Variants in CCR3 observed in about 807,000 individuals in gnomAD.
The protein encoded by CCR3 is C-C chemokine receptor type 3.
For missense variants in CCR3, 419 were observed against 437.5 expected (o/e 0.96, Z 0.38); for synonymous variants, 203 against 179.2 (o/e 1.13, Z -1.06).
At chr3:46,220,440 T>C (rs1699823508) in intron 2 of CCR3, among the ~76,000 whole-genome samples, 1 of 152,190 alleles carries the variant, frequency 6.6e-6, no homozygotes, top group African/African-American at 2.4e-5. Context: ...GAAAACAGTA[T>C]GGAGATTCCT....
At chr3:46,250,246 C>A (rs908432690) in intron 1 of CCR3, among the ~76,000 whole-genome samples, 1 of 151,974 alleles carries the variant, frequency 6.6e-6, no homozygotes, top group Admixed American at 6.5e-5. Context: ...AAACTGTAAG[C>A]CGGACCAGGT....
intron 1 of CCR3, among the ~76,000 whole-genome samples, chr3:46,258,028 T>C (rs1226645229): frequency 6.6e-6 from 1 of 152,228 alleles, no homozygotes; most frequent in Non-Finnish European, 1.5e-5. Context: ...GTAATTGTTC[T>C]CTTCAGGCCC....
At chr3:46,264,540 T>G in intron 1 of CCR3, 1 of 814,028 alleles carries the variant, frequency 1.2e-6, no homozygotes, top group East Asian at 2.9e-5. Flanking sequence ...GGATAGAGAC[T>G]AAAGATCTAG....
At chr3:46,238,251 A>AC (rs1700042510), upstream of CCR3, among the ~76,000 whole-genome samples, 1 of 63,178 alleles carries the variant, frequency 1.6e-5, no homozygotes, top group Non-Finnish European at 2.8e-5. Context: ...GATATTGTCA[A>AC]TTTAAAAAAA....
chr3:46,258,780 A>G (rs750720093), intron 1 of CCR3, among the ~76,000 whole-genome samples: 4 of 152,204 alleles, frequency 2.6e-5, no homozygotes, highest in Admixed American at 1.3e-4. Flanking sequence ...ACTACATTGC[A>G]TAAGGGATAT....
At position 46,265,154 on chromosome 3, in the gene CCR3, G is replaced by T; in HGVS notation, c.-5G>T. ...TTTTCTTCTTCTATCACAGGGAGAA[G>T]TGAAATGACAACCTCACTAGATACA... On this transcript the variant is annotated 5_prime_UTR_variant, in exon 2 of 2. Coordinates refer to ENST00000395940, the MANE Select transcript of CCR3 (RefSeq NM_178329.3). 1 of 1,591,886 alleles carries T rather than the reference G, an allele frequency of 6.3e-7. No homozygotes were observed. The highest frequency in any genetic ancestry group is 8.6e-7 in the Non-Finnish European group (1 of 1,164,336).
chr3:46,257,721 T>A (rs1031083221), intron 1 of CCR3, among the ~76,000 whole-genome samples: 3 of 152,166 alleles, frequency 2.0e-5, no homozygotes, highest in Non-Finnish European at 2.9e-5. Flanking sequence ...TATGTAGATA[T>A]ATGAGATGGG....
chr3:46,216,418 T>C (rs1398642701), intron 2 of CCR3, among the ~76,000 whole-genome samples: 2 of 152,134 alleles, frequency 1.3e-5, no homozygotes, highest in Admixed American at 1.3e-4. Flanking sequence ...TGAAAACGTA[T>C]CTGAGGGAAT....
chr3:46,220,989 A>G, intron 2 of CCR3, among the ~76,000 whole-genome samples: 1 of 152,354 alleles, frequency 6.6e-6, no homozygotes, highest in South Asian at 2.1e-4. Context: ...CGTGTTCCCC[A>G]AAAACTATTG....
At chr3:46,258,968 A>G (rs1039576724) in intron 1 of CCR3, among the ~76,000 whole-genome samples, 4 of 152,228 alleles carry the variant, frequency 2.6e-5, no homozygotes, top group African/African-American at 9.6e-5. Context: ...TCCTGATTCA[A>G]TGACATAGAA....
chr3:46,228,296 AT>A (rs1036708845), intron 2 of CCR3, among the ~76,000 whole-genome samples: 8 of 151,966 alleles, frequency 5.3e-5, no homozygotes, highest in Non-Finnish European at 8.8e-5. Flanking sequence ...ACAAAGAGAA[AT>A]TTTTTTCTCT....
chr3:46,215,224 C>T (rs542555233), intron 2 of CCR3, among the ~76,000 whole-genome samples: 4 of 152,294 alleles, frequency 2.6e-5, no homozygotes, highest in Admixed American at 2.6e-4. Context: ...ATCCATCACA[C>T]AGCTATTAAG....
Position 46,265,285 on chromosome 3 carries a change from C to G in CCR3, c.127C>G (p.Leu43Val), listed in dbSNP as rs995270819. Residue 43 changes from leucine (L) to valine (V), a missense_variant, in exon 2 of 2, where the codon CTG becomes GTG. Leu to Val is a conservative substitution (Grantham distance 32). Coordinates refer to ENST00000395940, the MANE Select transcript of CCR3 (RefSeq NM_178329.3). ...CCAGTTTGTGCCCCCGCTGTACTCCCTGGTGTTCACTGTGGGCCTCTTGGG... is the reference window on the plus strand; with the variant it reads ...CCAGTTTGTGCCCCCGCTGTACTCCGTGGTGTTCACTGTGGGCCTCTTGGG... ...MAQFVPPLYS[L>V]VFTVGLLGNV... The G allele has an allele frequency of 1.2e-6, 2 of 1,613,970 alleles. No individual in the cohort carries two copies. Among genetic ancestry groups the G allele is most frequent in the African/African-American group, 2.7e-5 (2 of 74,906 alleles).
intron 2 of CCR3, among the ~76,000 whole-genome samples, chr3:46,214,552 C>G (rs1178747771): frequency 1.3e-5 from 2 of 152,170 alleles, no homozygotes; most frequent in African/African-American, 4.8e-5. Context: ...ACCACCTCTG[C>G]TCAGGGATGT....
intron 1 of CCR3, chr3:46,264,644 T>C: frequency 7.4e-6 from 4 of 539,706 alleles, no homozygotes; most frequent in Non-Finnish European, 1.3e-5. Context: ...GAATGGCTCA[T>C]CATTATGGGG....
At chr3:46,239,826 G>A (rs1489041340), upstream of CCR3, among the ~76,000 whole-genome samples, 2 of 152,124 alleles carry the variant, frequency 1.3e-5, no homozygotes, top group Non-Finnish European at 2.9e-5. Context: ...TAAGTTAAAA[G>A]GTCATTGTGG....
At chr3:46,229,614 G>A (rs1433393914) in intron 2 of CCR3, among the ~76,000 whole-genome samples, 2 of 152,108 alleles carry the variant, frequency 1.3e-5, no homozygotes, top group Admixed American at 6.6e-5. Flanking sequence ...GTTGGGGGAG[G>A]TGACAGAAAT....
At chr3:46,241,041 T>C (rs1265728084), upstream of CCR3, among the ~76,000 whole-genome samples, 4 of 152,218 alleles carry the variant, frequency 2.6e-5, no homozygotes, top group Non-Finnish European at 5.9e-5. Context: ...GTCTCTGTTG[T>C]CTCTGATCAC....
At chr3:46,216,518 G>C (rs1187698627) in intron 2 of CCR3, among the ~76,000 whole-genome samples, 1 of 152,168 alleles carries the variant, frequency 6.6e-6, no homozygotes. Context: ...ATCACAAAAA[G>C]ATCATCATCT....
Sources: gnomAD v4.1 joint callset for allele counts (sites outside exome capture counted in the v4.1 genomes callset) on GRCh38, gnomAD v4.1.1 for gene constraint, MANE v1.5 for transcripts, NCBI Gene and HGNC (gene_info 2026-07-23, HGNC 2026-07-21) for gene names.